Variants in BRIP1 observed in about 807,000 individuals in gnomAD.
BRIP1 encodes BRCA1 interacting DNA helicase 1.
A neutral mutation model predicts 119.7 loss-of-function variants in BRIP1; 88 were observed. The observed-to-expected ratio is 0.74, with a 90% CI of 0.62 to 0.88. The LOEUF is 0.88. BRIP1 is among the 40% of genes least tolerant of loss of function. The pLI is 0.00. For synonymous variants in BRIP1, 443 were observed against 496.5 expected, an observed-to-expected ratio of 0.89 and a Z score of 1.43; for missense variants, 1,259 against 1,455.4, an observed-to-expected ratio of 0.87 and a Z score of 2.20.
intron 6 of BRIP1, among the ~76,000 whole-genome samples, chr17:61,821,537 AT>A (rs944809892): frequency 7.2e-6 from 1 of 138,068 alleles, no homozygotes; most frequent in South Asian, 2.4e-4. Context: ...TTTTAATTTT[AT>A]TTTTTTTTAC....
chr17:61,826,080 G>A (rs2078402437), intron 6 of BRIP1, among the ~76,000 whole-genome samples: 2 of 152,050 alleles, frequency 1.3e-5, no homozygotes, highest in Non-Finnish European at 1.5e-5. Context: ...ACAGAATAGA[G>A]AGCCCAGAAA....
intron 17 of BRIP1, among the ~76,000 whole-genome samples, chr17:61,712,302 C>T (rs2061789452): frequency 6.6e-6 from 1 of 152,050 alleles, no homozygotes. Flanking sequence ...CAACCTCCAC[C>T]TACCAGGTTC....
In BRIP1 at chr17:61,780,458, TG is replaced by T; in HGVS notation, c.1795-58del. The T allele has an allele frequency of 6.8e-7, 1 of 1,470,528 alleles. No individual in the cohort carries two copies. Among genetic ancestry groups the T allele is most frequent in the Non-Finnish European group, 9.5e-7 (1 of 1,052,738 alleles). 91.1% of individuals were successfully genotyped at this position (1,470,528 alleles called of 1,614,324 possible). ...TATCTTTAGAAGAGGCTGGGCAAAG[TG>T]GCTCACACCTGTAATCCCAGCACTT... On this transcript the variant is annotated intron_variant, in intron 12 of 19. Transcript: ENST00000259008. This position sits in a 1 kb window ranked among gnomAD's most constrained non-coding sequence, Gnocchi z 5.4.
In BRIP1 at chr17:61,680,484, T is replaced by TTTTC. The variant is rs2061256795; in HGVS notation, c.*2811_*2812insGAAA. Among the ~76,000 whole-genome samples the TTTTC allele has an allele frequency of 2.8e-5, 2 of 71,182 alleles. No individual in the cohort carries two copies. Among genetic ancestry groups the TTTTC allele is most frequent in the Admixed American group, 2.3e-4 (1 of 4,310 alleles). 46.7% of individuals were successfully genotyped at this position (71,182 alleles called of 152,430 possible). On this transcript the variant is annotated 3_prime_UTR_variant, in exon 20 of 20. Coordinates refer to ENST00000259008, the MANE Select transcript of BRIP1 (RefSeq NM_032043.3). Reference sequence around the variant, plus strand: ...TACCAATTCTAAAGGTAATTTCTTTTTTTTTTTTTTTTTGAGACGGAGTCC... The same window carrying TTTTC: ...TACCAATTCTAAAGGTAATTTCTTTTTTTCTTTTTTTTTTTTTGAGACGGAGTCC...
In BRIP1 at chr17:61,691,542, G is replaced by T. The variant is rs886409086; in HGVS notation, c.2575+1888C>A. On this transcript the variant is annotated intron_variant, in intron 18 of 19. Coordinates refer to ENST00000259008, the MANE Select transcript of BRIP1 (RefSeq NM_032043.3). The surrounding 1 kb of genome is among the most constrained non-coding windows in gnomAD (Gnocchi z 5.0). ...GCGGTCTTGGCTCACTGCAACCTCC[G>T]CCTCCCAGGTTCAAGCCATTCTCCT... Among the ~76,000 whole-genome samples, 5 of 152,038 alleles carry T rather than the reference G, an allele frequency of 3.3e-5. No individual in the cohort carries two copies. Among genetic ancestry groups the T allele is most frequent in the Non-Finnish European group, 7.4e-5 (5 of 68,008 alleles).
Position 61,754,602 on chromosome 17 carries a change from A to G in BRIP1, c.2098-10011T>C, listed in dbSNP as rs759172547. Among the ~76,000 whole-genome samples, 12 of 152,144 alleles carry G rather than the reference A, an allele frequency of 7.9e-5. No individual in the cohort carries two copies. The highest frequency in any genetic ancestry group is 1.8e-4 in the Non-Finnish European group (12 of 68,026). On this transcript the variant is annotated intron_variant, in intron 14 of 19. Transcript: ENST00000259008. The surrounding 1 kb of genome is among the most constrained non-coding windows in gnomAD (Gnocchi z 4.1). ...AGACTGAATGGCTTAAACAAAAGAA[A>G]TTTATTTCTTACAGTTATTAGTTTA...
At position 61,740,348 on chromosome 17, in the gene BRIP1, T is replaced by TC. The variant is rs2144652098; in HGVS notation, c.2379+2664dup. Among the ~76,000 whole-genome samples the TC allele has an allele frequency of 6.6e-6, 1 of 152,288 alleles. No individual in the cohort carries two copies. The highest frequency in any genetic ancestry group is 6.5e-5 in the Admixed American group (1 of 15,304). On this transcript the variant is annotated intron_variant, in intron 16 of 19. Coordinates refer to ENST00000259008, the MANE Select transcript of BRIP1 (RefSeq NM_032043.3). The surrounding 1 kb of genome is among the most constrained non-coding windows in gnomAD (Gnocchi z 5.4). ...ATTGCTGGGCTTCACTTCCACAGTT[T>TC]CTGATTTGGCAGGTCTGGATGAGCC...
chr17:61,715,978 T>TA lies in BRIP1; in HGVS notation c.2464dup (p.Tyr822LeufsTer10), dbSNP rs1483527885. The TA allele has an allele frequency of 1.2e-6, 2 of 1,607,138 alleles. No homozygotes were observed. Among genetic ancestry groups the TA allele is most frequent in the East Asian group, 4.5e-5 (2 of 44,606 alleles). ...ACCAAGGGCCTGGTTTAAGGCCCTG[T>TA]ATGCTTGAATTTCATACCACTGACG... is the stretch of plus-strand genomic sequence containing the variant. On this transcript the variant is annotated frameshift_variant, in exon 17 of 20. Transcript: ENST00000259008. LOFTEE classifies it high-confidence loss of function.
chr17:61,729,502 TTAAA>T lies in BRIP1; in HGVS notation c.2380-13443_2380-13440del, dbSNP rs1053512717. On this transcript the variant is annotated intron_variant, in intron 16 of 19. Transcript: ENST00000259008. The surrounding 1 kb of genome is among the most constrained non-coding windows in gnomAD (Gnocchi z 5.6). ...TTTAATAGTTCATGTCTAAAACTGA[TTAAA>T]TAAAGATAAAATATGGAGGTAAATA... Among the ~76,000 whole-genome samples the T allele has an allele frequency of 9.7e-4, 147 of 152,106 alleles. 1 individual carries two copies. Among genetic ancestry groups the T allele is most frequent in the African/African-American group, 3.2e-3 (132 of 41,500 alleles).
chr17:61,761,764 G>T lies in BRIP1; in HGVS notation c.2097+14637C>A, dbSNP rs894296167. Among the ~76,000 whole-genome samples, 1 of 151,910 alleles carries T rather than the reference G, an allele frequency of 6.6e-6. No homozygotes were observed. The highest frequency in any genetic ancestry group is 6.6e-5 in the Admixed American group (1 of 15,214). ...AATGTTGATGAGAGAAATTGTAGAA[G>T]ATACAAGTAAATAGCATGATATTCT... On this transcript the variant is annotated intron_variant, in intron 14 of 19. Coordinates refer to ENST00000259008, the MANE Select transcript of BRIP1 (RefSeq NM_032043.3). This position sits in a 1 kb window ranked among gnomAD's most constrained non-coding sequence, Gnocchi z 6.4.
Position 61,861,679 on chromosome 17 carries a change from TAAACA to T in BRIP1, c.-30-115_-30-111del. On this transcript the variant is annotated intron_variant, in intron 1 of 19. Transcript: ENST00000259008. This position sits in a 1 kb window ranked among gnomAD's most constrained non-coding sequence, Gnocchi z 4.5. Reference sequence around the variant, plus strand: ...ACAGAAACTGGAATTAATAAAAGTATAAACAAAACAAATGGAAACAAAATAATTTC... The same window carrying T: ...ACAGAAACTGGAATTAATAAAAGTATAAACAAATGGAAACAAAATAATTTC... 1.4e-6 allele frequency: 1 copy of T among 690,938 alleles called. No individual in the cohort carries two copies. Among genetic ancestry groups the T allele is most frequent in the Non-Finnish European group, 2.6e-6 (1 of 386,702 alleles). 42.8% of individuals were successfully genotyped at this position (690,938 alleles called of 1,614,324 possible).
Position 61,806,517 on chromosome 17 carries a change from T to C in BRIP1, c.918+1950A>G, listed in dbSNP as rs2078075389. Among the ~76,000 whole-genome samples the C allele has an allele frequency of 2.0e-5, 3 of 152,202 alleles. No individual in the cohort carries two copies. The highest frequency in any genetic ancestry group is 2.9e-5 in the Non-Finnish European group (2 of 68,028). On this transcript the variant is annotated intron_variant, in intron 7 of 19. Coordinates refer to ENST00000259008, the MANE Select transcript of BRIP1 (RefSeq NM_032043.3). This position sits in a 1 kb window ranked among gnomAD's most constrained non-coding sequence, Gnocchi z 4.9. ...AAAGGCCAATGAAAAATTCGGAACA[T>C]TGAAGTCTACTGAATTCCTTTTTAT...
Position 61,851,907 on chromosome 17 carries a change from G to T in BRIP1, c.380-2651C>A, listed in dbSNP as rs1431185734. Reference sequence around the variant, plus strand: ...TCCCAGGCATACTGGGCAATGTCTGGAGACATTTTTCGTTGTCACAAAAAG... The same window carrying T: ...TCCCAGGCATACTGGGCAATGTCTGTAGACATTTTTCGTTGTCACAAAAAG... On this transcript the variant is annotated intron_variant, in intron 4 of 19. Coordinates refer to ENST00000259008, the MANE Select transcript of BRIP1 (RefSeq NM_032043.3). This position sits in a 1 kb window ranked among gnomAD's most constrained non-coding sequence, Gnocchi z 4.6. Among the ~76,000 whole-genome samples the T allele has an allele frequency of 6.6e-6, 1 of 152,144 alleles. No homozygotes were observed. Among genetic ancestry groups the T allele is most frequent in the East Asian group, 1.9e-4 (1 of 5,194 alleles).
chr17:61,808,232 A>G lies in BRIP1; in HGVS notation c.918+235T>C, dbSNP rs1422475018. Among the ~76,000 whole-genome samples, 1 of 152,222 alleles carries G rather than the reference A, an allele frequency of 6.6e-6. No homozygotes were observed. The highest frequency in any genetic ancestry group is 1.5e-5 in the Non-Finnish European group (1 of 68,032). On this transcript the variant is annotated intron_variant, in intron 7 of 19. Coordinates refer to ENST00000259008, the MANE Select transcript of BRIP1 (RefSeq NM_032043.3). This position sits in a 1 kb window ranked among gnomAD's most constrained non-coding sequence, Gnocchi z 4.1. Reference sequence around the variant, plus strand: ...GAAGAAACTAAGATGTCTGACTACAACAGAAATTAATTTCAAGGAATTAAA... The same window carrying G: ...GAAGAAACTAAGATGTCTGACTACAGCAGAAATTAATTTCAAGGAATTAAA...
At position 61,703,848 on chromosome 17, in the gene BRIP1, C is replaced by A. The variant is rs1371378488; in HGVS notation, c.2493-10336G>T. On this transcript the variant is annotated intron_variant, in intron 17 of 19. Coordinates refer to ENST00000259008, the MANE Select transcript of BRIP1 (RefSeq NM_032043.3). The surrounding 1 kb of genome is among the most constrained non-coding windows in gnomAD (Gnocchi z 5.0). ...AAGGGGGTCCAGTTTCAATCTTCTG[C>A]TTACGGCTAGCCAGTTAGGTCCCAC... 6.6e-6 allele frequency among the ~76,000 whole-genome samples: 1 copy of A among 152,056 alleles called. No individual in the cohort carries two copies. Among genetic ancestry groups the A allele is most frequent in the East Asian group, 1.9e-4 (1 of 5,188 alleles).
intron 6 of BRIP1, among the ~76,000 whole-genome samples, chr17:61,839,695 G>A (rs1429375321): frequency 6.6e-6 from 1 of 152,142 alleles, no homozygotes; most frequent in Non-Finnish European, 1.5e-5. Context: ...AGACTTATGA[G>A]AAATTGTCAG....
At chr17:61,854,515 T>A (rs1016729259) in intron 4 of BRIP1, among the ~76,000 whole-genome samples, 16 of 152,002 alleles carry the variant, frequency 1.1e-4, no homozygotes, top group African/African-American at 3.4e-4. Flanking sequence ...CAGAGCAGCC[T>A]GACCAACGTG....
chr17:61,805,718 T>A lies in BRIP1; in HGVS notation c.918+2749A>T, dbSNP rs959109921. Among the ~76,000 whole-genome samples, 7 of 152,192 alleles carry A rather than the reference T, an allele frequency of 4.6e-5. No homozygotes were observed. The highest frequency in any genetic ancestry group is 1.7e-4 in the African/African-American group (7 of 41,458). On this transcript the variant is annotated intron_variant, in intron 7 of 19. Coordinates refer to ENST00000259008, the MANE Select transcript of BRIP1 (RefSeq NM_032043.3). The surrounding 1 kb of genome is among the most constrained non-coding windows in gnomAD (Gnocchi z 5.6). ...ATTCTGTGATTCAGGTAAAAACGTG[T>A]CAATCATCTTTCATACTCTCAGTTT... is the stretch of plus-strand genomic sequence containing the variant.
chr17:61,756,602 C>T lies in BRIP1; in HGVS notation c.2098-12011G>A, dbSNP rs1318120108. Among the ~76,000 whole-genome samples, 1 of 152,154 alleles carries T rather than the reference C, an allele frequency of 6.6e-6. No homozygotes were observed. On this transcript the variant is annotated intron_variant, in intron 14 of 19. Coordinates refer to ENST00000259008, the MANE Select transcript of BRIP1 (RefSeq NM_032043.3). This position sits in a 1 kb window ranked among gnomAD's most constrained non-coding sequence, Gnocchi z 4.3. ...TGCCCATGTCTTATCTGGATATTGT[C>T]ATTTTACTTTGTCAAACTTCTTTAA...
Sources: gnomAD v4.1 joint callset for allele counts (sites outside exome capture counted in the v4.1 genomes callset) on GRCh38, gnomAD v4.1.1 for gene constraint, Gnocchi (gnomAD v3.1) non-coding constraint, MANE v1.5 for transcripts, NCBI Gene and HGNC (gene_info 2026-07-23, HGNC 2026-07-21) for gene names.